The following MTCH2 variants were observed in gnomAD, a reference collection of about 807,000 sequenced individuals.
MTCH2 encodes mitochondrial carrier homolog 2.
A neutral mutation model predicts 50.6 loss-of-function variants in MTCH2; 25 were observed. The ratio of observed to expected loss-of-function variants is 0.49; its 90% CI spans 0.36 to 0.69. MTCH2 has a LOEUF of 0.69. Among genes scored for constraint, MTCH2 ranks in the 30% least tolerant of loss-of-function variants. MTCH2 has a pLI of 0.00. For missense variants in MTCH2, 273 were observed against 384.4 expected (o/e 0.71, Z 2.42); for synonymous variants, 106 against 132.0 (o/e 0.80, Z 1.35).
intron 1 of MTCH2, among the ~76,000 whole-genome samples, chr11:47,639,277 C>G (rs566063438): frequency 6.6e-6 from 1 of 152,232 alleles, no homozygotes; most frequent in South Asian, 2.1e-4. Context: ...AATTCTATGA[C>G]GTAAACCATG....
chr11:47,618,992 A>G, intron 12 of MTCH2, 73 bp from the exon 13 acceptor site: 3 of 1,353,624 alleles, frequency 2.2e-6, no homozygotes, highest in Non-Finnish European at 3.2e-6. Context: ...ATCAGCAGAG[A>G]GGTCCAATTG....
At chr11:47,633,526 A>ATATATATTTTT (rs1378774715) in intron 5 of MTCH2, among the ~76,000 whole-genome samples, 1 of 35,078 alleles carries the variant, frequency 2.9e-5, no homozygotes, top group South Asian at 1.2e-3. Flanking sequence ...ATATATATAT[A>ATATATATTTTT]TTTTTTTTTT....
the MTCH2 span, among the ~76,000 whole-genome samples, chr11:47,606,972 T>A: frequency 6.6e-6 from 1 of 152,192 alleles, no homozygotes; most frequent in African/African-American, 2.4e-5. Context: ...GATGTGTGCT[T>A]CCCTGGGGAC....
intron 3 of MTCH2, among the ~76,000 whole-genome samples, chr11:47,636,286 T>C (rs1435299141): frequency 6.6e-6 from 1 of 151,800 alleles, no homozygotes; most frequent in African/African-American, 2.4e-5. Flanking sequence ...GTACAAAAAT[T>C]AGCTGGGCTT....
chr11:47,639,083 A>G (rs372508158), intron 1 of MTCH2, 32 bp from the exon 2 acceptor site: 21 of 1,531,508 alleles, frequency 1.4e-5, no homozygotes, highest in Non-Finnish European at 1.9e-5. Flanking sequence ...TCAATATTAA[A>G]GCAATATTTC....
Position 47,630,624 on chromosome 11 carries a change from CAAG to C in MTCH2, c.480-13_480-11del, listed in dbSNP as rs777113651. ...GGAATCACAAAGTCCACTACGTACA[CAAG>C]AAGAAAAGGTAAAATATATTAAGAT... is the stretch of plus-strand genomic sequence containing the variant. On this transcript the variant is annotated splice_polypyrimidine_tract_variant and intron_variant, in intron 7 of 12. Transcript: ENST00000302503. 1.2e-6 allele frequency: 2 copies of C among 1,602,424 alleles called. No individual in the cohort carries two copies. Among genetic ancestry groups the C allele is most frequent in the East Asian group, 2.2e-5 (1 of 44,808 alleles).
downstream of MTCH2, among the ~76,000 whole-genome samples, chr11:47,612,911 CT>C (rs2097286380): frequency 6.6e-6 from 1 of 151,896 alleles, no homozygotes. Flanking sequence ...TCACATGTGA[CT>C]TTTTCCTTTA....
At chr11:47,633,640 C>T (rs1421170949) in intron 5 of MTCH2, among the ~76,000 whole-genome samples, 1 of 148,180 alleles carries the variant, frequency 6.7e-6, no homozygotes, top group Non-Finnish European at 1.5e-5. Context: ...GGGTTCAAGC[C>T]ATTCTCCTGC....
downstream of MTCH2, among the ~76,000 whole-genome samples, chr11:47,615,790 G>GT (rs146372789): frequency 2.1e-4 from 1 of 4,798 alleles, no homozygotes; most frequent in Non-Finnish European, 6.4e-4. Context: ...CCGCCACCAC[G>GT]CCTAATTTTT....
chr11:47,638,826 T>A, intron 2 of MTCH2, 21 bp from the exon 3 acceptor site: 1 of 1,526,284 alleles, frequency 6.6e-7, no homozygotes, highest in Non-Finnish European at 8.8e-7. Context: ...AAGTCAGAGA[T>A]GTTGTCAAGT....
chr11:47,635,671 G>A, intron 3 of MTCH2, 100 bp from the exon 4 acceptor site: 1 of 1,104,916 alleles, frequency 9.1e-7, no homozygotes, highest in Non-Finnish European at 1.3e-6. Flanking sequence ...ATTAGCTGAA[G>A]TTTTTTTTAA....
chr11:47,605,232 C>T, the MTCH2 span, among the ~76,000 whole-genome samples: 1 of 152,094 alleles, frequency 6.6e-6, no homozygotes, highest in East Asian at 1.9e-4. Context: ...CCGGCTGTCT[C>T]CCATATTTTT....
the MTCH2 span, among the ~76,000 whole-genome samples, chr11:47,611,190 A>G: frequency 2.6e-5 from 4 of 152,204 alleles, no homozygotes; most frequent in Non-Finnish European, 5.9e-5. Flanking sequence ...TGCCCCTCGC[A>G]CAGAACTCTG....
chr11:47,625,376 T>C (rs950107817), intron 11 of MTCH2, among the ~76,000 whole-genome samples: 11 of 144,904 alleles, frequency 7.6e-5, no homozygotes. Context: ...TGAGCCGAGA[T>C]CATGCTACTG....
At chr11:47,620,955 A>G (rs2097292701) in intron 12 of MTCH2, among the ~76,000 whole-genome samples, 1 of 152,242 alleles carries the variant, frequency 6.6e-6, no homozygotes, top group African/African-American at 2.4e-5. Context: ...AAGCACCTAC[A>G]GGAACAACTG....
At chr11:47,633,312 G>A (rs1310789999) in intron 5 of MTCH2, among the ~76,000 whole-genome samples, 8 of 144,040 alleles carry the variant, frequency 5.6e-5, no homozygotes, top group East Asian at 2.2e-4. Context: ...GGGTTTCACC[G>A]TGTTAGCCAG....
intron 3 of MTCH2, 55 bp from the exon 4 acceptor site, chr11:47,635,626 A>C: frequency 2.6e-6 from 4 of 1,529,942 alleles, no homozygotes; most frequent in Non-Finnish European, 3.6e-6. Context: ...ATGTGAAAGA[A>C]GACATAAAAT....
downstream of MTCH2, among the ~76,000 whole-genome samples, chr11:47,614,838 A>C (rs1334716646): frequency 1.3e-5 from 2 of 152,152 alleles, no homozygotes; most frequent in East Asian, 3.8e-4. Flanking sequence ...TCGGCCTCCC[A>C]AAGTTCTGGG....
chr11:47,642,453 C>T lies in MTCH2; in HGVS notation c.13G>A (p.Ala5Thr). 3.1e-6 allele frequency: 5 copies of T among 1,593,912 alleles called. No individual in the cohort carries two copies. Among genetic ancestry groups the T allele is most frequent in the Non-Finnish European group, 4.3e-6 (5 of 1,171,862 alleles). MADA[A>T]SQVLLGSGLT... ...CCGGAGCCCAGGAGCACCTGACTGG[C>T]CGCGTCCGCCATGATGGCACCCGCG... Residue 5 changes from alanine to threonine, a missense_variant, in exon 1 of 13, where the codon GCC (alanine) becomes ACC (threonine). Ala to Thr is a moderately conservative substitution (Grantham distance 58, BLOSUM62 0). Coordinates refer to ENST00000302503, the MANE Select transcript of MTCH2 (RefSeq NM_014342.4).
Sources: allele counts gnomAD v4.1 joint callset (sites outside exome capture counted in the v4.1 genomes callset), GRCh38; gene constraint gnomAD v4.1.1; transcripts MANE v1.5; gene names NCBI Gene and HGNC (gene_info 2026-07-23, HGNC 2026-07-21).